ADGRG4: variants seen among roughly 807,000 people sequenced by gnomAD.
ADGRG4 encodes adhesion G protein-coupled receptor G4.
In ADGRG4, 122 loss-of-function variants were observed where a neutral mutation model predicts 126.2. The ratio of observed to expected loss-of-function variants is 0.97; its 90% CI spans 0.83 to 1.12. The LOEUF (loss-of-function observed/expected upper bound fraction) is 1.12. Among genes scored for constraint, ADGRG4 ranks in the 50% most tolerant of loss-of-function variants. ADGRG4 has a pLI of 0.00. For missense variants in ADGRG4, 2,481 were observed against 2,251.8 expected (o/e 1.10, Z -2.06); for synonymous variants, 943 against 838.7 (o/e 1.12, Z -2.15).
intron 13 of ADGRG4, among the ~76,000 whole-genome samples, chrX:136,363,916 T>TCTC (rs1462011133): frequency 9.1e-5 from 10 of 110,372 alleles, no homozygotes; most frequent in African/African-American, 3.3e-4. Context: ...TTCAAGCAAT[T>TCTC]CTCCTGCCTC....
At position 136,376,317 on chromosome X, in the gene ADGRG4, T is replaced by A. The variant is rs1305504446; in HGVS notation, c.7776+3253T>A. Among the ~76,000 whole-genome samples the A allele has an allele frequency of 1.2e-4, 14 of 112,428 alleles. No individual in the cohort carries two copies. The Admixed American group carries it at 1.3e-3, about 11-fold the overall frequency. ...GTAACTATAGCCTTGCAGTATAATTTGAAGTTGGGTAATATGATGCCTCCA... is the reference window on the plus strand; with the variant it reads ...GTAACTATAGCCTTGCAGTATAATTAGAAGTTGGGTAATATGATGCCTCCA... On this transcript the variant is annotated intron_variant, in intron 15 of 25. Transcript: ENST00000394143.
At chrX:136,330,654 G>C (rs1033585216) in intron 5 of ADGRG4, among the ~76,000 whole-genome samples, 1 of 111,231 alleles carries the variant, frequency 9.0e-6, no homozygotes, top group East Asian at 2.8e-4. Flanking sequence ...TGGCTTGGCT[G>C]TATGGAAGTT....
intron 4 of ADGRG4, among the ~76,000 whole-genome samples, chrX:136,312,168 G>C (rs1210582933): frequency 8.9e-6 from 1 of 112,500 alleles, no homozygotes; most frequent in Non-Finnish European, 1.9e-5. Flanking sequence ...TCAGTTCTTA[G>C]TAATACAAGC....
chrX:136,330,264 C>T (rs971902519), intron 5 of ADGRG4, among the ~76,000 whole-genome samples: 3 of 111,257 alleles, frequency 2.7e-5, no homozygotes, highest in East Asian at 2.8e-4. Context: ...CCCACCCTTT[C>T]CCCCTACGCT....
intron 21 of ADGRG4, among the ~76,000 whole-genome samples, chrX:136,400,880 C>T (rs1192187576): frequency 5.4e-5 from 6 of 111,999 alleles, no homozygotes; most frequent in Non-Finnish European, 1.1e-4. Context: ...ATGGTCAGCT[C>T]GGCTCCTTTC....
chrX:136,405,484 T>C (rs1196039993), intron 22 of ADGRG4, among the ~76,000 whole-genome samples: 3 of 111,536 alleles, frequency 2.7e-5, no homozygotes, highest in Non-Finnish European at 5.6e-5. Flanking sequence ...TCTGACTTAG[T>C]GTTGGAAAGA....
chrX:136,327,056 A>T (rs943061820), intron 5 of ADGRG4, among the ~76,000 whole-genome samples: 1 of 111,586 alleles, frequency 9.0e-6, no homozygotes, highest in Non-Finnish European at 1.9e-5. Context: ...GTCATTAGAA[A>T]TTTAGTTTTC....
chrX:136,349,459 C>T lies in ADGRG4; in HGVS notation c.5753C>T (p.Pro1918Leu). 8.3e-7 allele frequency: 1 copy of T among 1,207,262 alleles called. No homozygotes were observed. Among genetic ancestry groups the T allele is most frequent in the Non-Finnish European group, 1.1e-6 (1 of 891,488 alleles). ...ETETLHLVPG[P>L]LSTFTASQTG... ...GAGACTCTACACCTTGTTCCTGGGC[C>T]TTTGTCAACATTCACAGCCTCTCAG... The change falls in exon 6 of 26, where the codon CCT becomes CTT. Residue 1918 changes from proline (P) to leucine (L), a missense_variant. Transcript: ENST00000394143.
chrX:136,387,576 C>CTG (rs757720379), intron 15 of ADGRG4, among the ~76,000 whole-genome samples, 164 bp from the exon 16 acceptor site: 104 of 109,405 alleles, frequency 9.5e-4, no homozygotes, highest in South Asian at 4.7e-3. Context: ...TGGCCTGTGA[C>CTG]TGTGTGTGTG....
intron 15 of ADGRG4, among the ~76,000 whole-genome samples, chrX:136,387,349 T>C (rs2075297309): frequency 8.9e-6 from 1 of 112,181 alleles, no homozygotes; most frequent in Non-Finnish European, 1.9e-5. Context: ...TGTTACTTTG[T>C]TTTTTCCTTT....
intron 5 of ADGRG4, among the ~76,000 whole-genome samples, chrX:136,327,500 A>G (rs1455965292): frequency 5.2e-5 from 4 of 76,303 alleles, no homozygotes; most frequent in African/African-American, 1.5e-4. Context: ...ATATATACAT[A>G]CATGTGGTTC....
intron 19 of ADGRG4, among the ~76,000 whole-genome samples, chrX:136,396,572 G>T (rs1290294475): frequency 5.3e-5 from 5 of 95,045 alleles, no homozygotes; most frequent in African/African-American, 2.0e-4. Context: ...TCCAGCCTGG[G>T]CAAAAGAGTG....
intron 5 of ADGRG4, among the ~76,000 whole-genome samples, chrX:136,339,905 T>A (rs1182318070): frequency 8.9e-6 from 1 of 112,002 alleles, no homozygotes; most frequent in Non-Finnish European, 1.9e-5. Context: ...TGCAACAAAA[T>A]GACAGAGATA....
Position 136,399,834 on chromosome X carries a change from ACTTTCT to A in ADGRG4, c.8307-9_8307-4del. On this transcript the variant is annotated splice_polypyrimidine_tract_variant and splice_region_variant and intron_variant, in intron 20 of 25. Coordinates refer to ENST00000394143, the MANE Select transcript of ADGRG4 (RefSeq NM_153834.4). Reference sequence around the variant, plus strand: ...AACAGACTTTACCTAACAACATTGTACTTTCTCTTTTAGCAAACTTCGAAAAGATTA... The same window carrying A: ...AACAGACTTTACCTAACAACATTGTACTTTTAGCAAACTTCGAAAAGATTA... 3 of 1,193,705 alleles carry A rather than the reference ACTTTCT, an allele frequency of 2.5e-6. No individual in the cohort carries two copies. Among genetic ancestry groups the A allele is most frequent in the Non-Finnish European group, 3.4e-6 (3 of 883,556 alleles).
intron 4 of ADGRG4, among the ~76,000 whole-genome samples, chrX:136,315,477 C>T (rs1374284004): frequency 9.0e-6 from 1 of 110,961 alleles, no homozygotes. Flanking sequence ...CTTGGTAGAA[C>T]GCTCACTCTC....
chrX:136,396,844 A>G (rs1277931478), intron 19 of ADGRG4, among the ~76,000 whole-genome samples: 2 of 103,835 alleles, frequency 1.9e-5, no homozygotes, highest in Non-Finnish European at 3.9e-5. Context: ...GCTGGAGTGC[A>G]GTGGTGCAAT....
intron 6 of ADGRG4, 45 bp from the exon 7 acceptor site, chrX:136,351,402 C>A (rs2075061876): frequency 7.8e-6 from 6 of 772,463 alleles, no homozygotes; most frequent in Non-Finnish European, 1.1e-5. Context: ...AGTCAAATTT[C>A]TTGAACTAAA....
At chrX:136,308,090 A>G (rs753942894) in intron 3 of ADGRG4, among the ~76,000 whole-genome samples, 1 of 112,802 alleles carries the variant, frequency 8.9e-6, no homozygotes, top group Non-Finnish European at 1.9e-5. Context: ...GGTTGAATAT[A>G]TCACATTTTG....
intron 5 of ADGRG4, among the ~76,000 whole-genome samples, chrX:136,324,831 TA>T (rs1308821657): frequency 8.9e-6 from 1 of 112,034 alleles, no homozygotes; most frequent in Non-Finnish European, 1.9e-5. Context: ...GCAGTCATTT[TA>T]CTAAGGCGTC....
Sources: allele counts gnomAD v4.1 joint callset (sites outside exome capture counted in the v4.1 genomes callset), GRCh38; gene constraint gnomAD v4.1.1; transcripts MANE v1.5; gene names NCBI Gene and HGNC (gene_info 2026-07-23, HGNC 2026-07-21).